TPRG1: variants seen among roughly 807,000 people sequenced by gnomAD.
TPRG1 encodes the protein tumor protein p63 regulated 1.
A neutral mutation model predicts 29.3 loss-of-function variants in TPRG1; 29 were observed. The ratio of observed to expected loss-of-function variants is 0.99; its 90% CI spans 0.74 to 1.35. The LOEUF (loss-of-function observed/expected upper bound fraction) is 1.35, where lower values mean the gene tolerates loss of function less well. Among genes scored for constraint, TPRG1 ranks in the 40% most tolerant of loss-of-function variants. The probability of loss-of-function intolerance (pLI) is 0.00; values close to 1 mark genes in which losing one functional copy is unlikely to be tolerated. For synonymous variants in TPRG1, 130 were observed against 116.8 expected (o/e 1.11, Z -0.73); for missense variants, 327 against 335.0 (o/e 0.98, Z 0.19).
At chr3:189,169,788 C>T (rs1728591708), upstream of TPRG1, among the ~76,000 whole-genome samples, 1 of 152,218 alleles carries the variant, frequency 6.6e-6, no homozygotes, top group Admixed American at 6.5e-5. Flanking sequence ...CTGTAACTCC[C>T]ATTGCACGGA....
At chr3:189,258,667 T>TG (rs1712383175) in intron 4 of TPRG1, among the ~76,000 whole-genome samples, 1 of 152,260 alleles carries the variant, frequency 6.6e-6, no homozygotes, top group Non-Finnish European at 1.5e-5. Context: ...AGCCCCTGAT[T>TG]GGGGCTGCTG....
At chr3:189,111,432 C>A (rs1367279006) in intron 1 of TPRG1, among the ~76,000 whole-genome samples, 6 of 151,960 alleles carry the variant, frequency 3.9e-5, no homozygotes, top group African/African-American at 1.2e-4. Context: ...AATTTTTCAA[C>A]TTTATGTTGG....
At position 189,057,862 on chromosome 3, in the gene TPRG1, A is replaced by G. The variant is rs568796314; in HGVS notation, c.-463+33916A>G. ...TGTATGTGTGTATATATATACACAC[A>G]TACGTATGTGTGTATATATATATAC... is the stretch of plus-strand genomic sequence containing the variant. On this transcript the variant is annotated intron_variant, in intron 4 of 10. Transcript: ENST00000433971. 2.5e-4 allele frequency among the ~76,000 whole-genome samples: 28 copies of G among 111,566 alleles called. No individual in the cohort carries two copies. In the South Asian group the frequency reaches 3.6e-3, roughly 14 times the overall value. The allele number at this position is 111,566 out of a possible 152,430, so 73.2% of individuals were successfully genotyped here. A position where few individuals can be genotyped will look rare whatever the true frequency, so the allele number is the denominator to read the frequency against.
chr3:189,021,985 T>A (rs1473207527), intron 3 of TPRG1, among the ~76,000 whole-genome samples: 2 of 152,220 alleles, frequency 1.3e-5, no homozygotes, highest in African/African-American at 4.8e-5. Context: ...ATTCATTTCA[T>A]CTTCCATTAC....
At chr3:189,264,959 C>G (rs903388652) in intron 4 of TPRG1, among the ~76,000 whole-genome samples, 3 of 152,094 alleles carry the variant, frequency 2.0e-5, no homozygotes, top group Non-Finnish European at 4.4e-5. Flanking sequence ...GCTAGATCAC[C>G]CAGCATGAAG....
intron 4 of TPRG1, among the ~76,000 whole-genome samples, chr3:189,251,815 A>G (rs958444910): frequency 2.0e-5 from 3 of 152,212 alleles, no homozygotes; most frequent in African/African-American, 7.2e-5. Flanking sequence ...ATACCGAGAC[A>G]TTCCATTGCC....
intron 4 of TPRG1, among the ~76,000 whole-genome samples, chr3:189,027,261 C>T (rs1213497568): frequency 1.3e-5 from 2 of 152,184 alleles, no homozygotes; most frequent in Non-Finnish European, 2.9e-5. Context: ...TAGATTTTCA[C>T]TCAGCCTGCC....
chr3:189,238,626 T>C lies in TPRG1; in HGVS notation c.303-107T>C, dbSNP rs148029876. The stretch of plus-strand genomic sequence containing the variant: ...GGTATTTCTCAGCCCCTCTCTCTTC[T>C]GAGTTGATCAAACTTCACTGTTTTC... On this transcript the variant is annotated intron_variant, in intron 3 of 5. Transcript: ENST00000345063. The C allele has an allele frequency of 3.8e-4, 356 of 932,202 alleles. No individual in the cohort carries two copies. The African/African-American group carries it at 5.3e-3, about 14-fold the overall frequency. 57.7% of individuals were successfully genotyped at this position (932,202 alleles called of 1,614,324 possible).
intron 2 of TPRG1, 27 bp downstream of exon 2, chr3:189,207,621 T>C: frequency 1.2e-6 from 2 of 1,604,380 alleles, no homozygotes; most frequent in Non-Finnish European, 8.5e-7. Flanking sequence ...TCTTAAATAC[T>C]ATATAAAAAT....
chr3:189,223,773 TTTC>T (rs1737280018), intron 3 of TPRG1, among the ~76,000 whole-genome samples: 2 of 152,252 alleles, frequency 1.3e-5, no homozygotes, highest in Admixed American at 6.5e-5. Flanking sequence ...AAGAGCGTTA[TTTC>T]AATGATTGCA....
chr3:189,075,767 T>TA (rs1717132888), intron 4 of TPRG1, among the ~76,000 whole-genome samples: 1 of 152,168 alleles, frequency 6.6e-6, no homozygotes, highest in African/African-American at 2.4e-5. Flanking sequence ...TCTTCAGGGA[T>TA]AAAATTGGCA....
chr3:189,078,476 T>C lies in TPRG1; in HGVS notation c.-462-48581T>C, dbSNP rs114471923. Among the ~76,000 whole-genome samples the C allele has an allele frequency of 5.5e-3, 841 of 152,242 alleles. 6 individuals carry two copies. The highest frequency in any genetic ancestry group is 0.018 in the African/African-American group (751 of 41,540). ...TAAAAATGTGTTTCTATAGTTAAAA[T>C]GTCCTGAAGATGCAGTCTGTATTTC... On this transcript the variant is annotated intron_variant, in intron 4 of 10. Coordinates refer to the TPRG1 transcript ENST00000433971.
chr3:189,035,109 G>T (rs1303331160), intron 4 of TPRG1, among the ~76,000 whole-genome samples: 1 of 151,954 alleles, frequency 6.6e-6, no homozygotes, highest in Non-Finnish European at 1.5e-5. Context: ...ATGGAACAGG[G>T]TTGAGAACCC....
chr3:189,014,738 T>G (rs73199101), intron 3 of TPRG1, among the ~76,000 whole-genome samples: 99 of 152,290 alleles, frequency 6.5e-4, no homozygotes, highest in Non-Finnish European at 1.2e-3. Flanking sequence ...CAGGGGAAGA[T>G]GTGCCTTGTT....
intron 3 of TPRG1, among the ~76,000 whole-genome samples, chr3:189,137,820 AAG>A (rs1241396402): frequency 2.2e-4 from 33 of 152,138 alleles, no homozygotes; most frequent in Admixed American, 2.2e-3. Context: ...GATGGGTAGA[AAG>A]AAAAATGTGA....
intron 2 of TPRG1, among the ~76,000 whole-genome samples, chr3:189,211,211 A>G (rs1323044778): frequency 6.6e-6 from 1 of 152,198 alleles, no homozygotes; most frequent in Non-Finnish European, 1.5e-5. Context: ...CATAATATCC[A>G]ACTATGGGAA....
At chr3:189,112,159 C>G (rs1186869150) in intron 1 of TPRG1, among the ~76,000 whole-genome samples, 5 of 152,150 alleles carry the variant, frequency 3.3e-5, no homozygotes. Flanking sequence ...TCCACCTGGT[C>G]ATGATGTGCT....
chr3:189,156,262 T>C (rs1726649495), intron 5 of TPRG1, among the ~76,000 whole-genome samples: 1 of 152,010 alleles, frequency 6.6e-6, no homozygotes, highest in African/African-American at 2.4e-5. Context: ...GTAGTCAGCT[T>C]CTAGAAGCCG....
At chr3:189,195,796 G>A (rs1732439270) in intron 1 of TPRG1, among the ~76,000 whole-genome samples, 1 of 152,150 alleles carries the variant, frequency 6.6e-6, no homozygotes, top group South Asian at 2.1e-4. Flanking sequence ...TAGTTCCTAG[G>A]TGATCCTGAT....
Sources: gnomAD v4.1 joint callset for allele counts (sites outside exome capture counted in the v4.1 genomes callset) on GRCh38, gnomAD v4.1.1 for gene constraint, MANE v1.5 for transcripts, NCBI Gene and HGNC (gene_info 2026-07-23, HGNC 2026-07-21) for gene names.